Variants in KDM3B observed in about 807,000 individuals in gnomAD.
The protein encoded by KDM3B is lysine-specific demethylase 3B.
A neutral mutation model predicts 170.0 loss-of-function variants in KDM3B; 10 were observed. That is an observed-to-expected ratio of 0.06 (90% CI 0.04 to 0.10). The LOEUF is 0.10. Among genes scored for constraint, KDM3B ranks in the 10% least tolerant of loss-of-function variants. The pLI is 1.00. For synonymous variants in KDM3B, 831 were observed against 834.8 expected, an observed-to-expected ratio of 1.00 and a Z score of 0.08; for missense variants, 1,394 against 2,195.2, an observed-to-expected ratio of 0.64 and a Z score of 7.29.
rs1207006411 is a variant in KDM3B, at chr5:138,392,226, C to T, written c.2594C>T (p.Ala865Val). The T allele has an allele frequency of 4.0e-6, 6 of 1,503,092 alleles. No homozygotes were observed. In the Admixed American group the frequency reaches 9.0e-5, roughly 23 times the overall value. The allele number at this position is 1,503,092 out of a possible 1,614,324, so 93.1% of individuals were successfully genotyped here. ...CTGGGCAAAAGCAAAGGGAAGCAGG[C>T]CCCCAAGGGCCGGCCTCGGACTGCC... ...LLLGKSKGKQ[A>V]PKGRPRTAPL... Residue 865 changes from alanine (A) to valine (V), a missense_variant, in exon 8 of 24, where the codon GCC (alanine) becomes GTC (valine). Physicochemically the swap from Ala to Val is moderately conservative, Grantham distance 64 (BLOSUM62 0). Coordinates refer to ENST00000314358, the MANE Select transcript of KDM3B (RefSeq NM_016604.4).
At chr5:138,366,075 CA>C (rs1413610076) in intron 1 of KDM3B, among the ~76,000 whole-genome samples, 4 of 151,932 alleles carry the variant, frequency 2.6e-5, no homozygotes, top group Non-Finnish European at 5.9e-5. Context: ...TCTCTCATCC[CA>C]ACCCTCCTAC....
chr5:138,419,597 G>A (rs1219744418), intron 14 of KDM3B, among the ~76,000 whole-genome samples: 1 of 145,668 alleles, frequency 6.9e-6, no homozygotes, highest in African/African-American at 2.5e-5. Context: ...ACAGCCTGCA[G>A]TGAGCCAAGA....
At chr5:138,405,707 C>T (rs1475917516) in intron 11 of KDM3B, among the ~76,000 whole-genome samples, 2 of 152,148 alleles carry the variant, frequency 1.3e-5, no homozygotes, top group African/African-American at 4.8e-5. Context: ...TATAAAAGAT[C>T]TCTTTTTCTC....
In KDM3B at chr5:138,417,641, G is replaced by A. The variant is rs552640531; in HGVS notation, c.3435+31G>A. The A allele has an allele frequency of 1.3e-5, 21 of 1,601,558 alleles. 2 individuals are homozygous for A. In the South Asian group the frequency reaches 2.2e-4, roughly 17 times the overall value. ...CTGGTGTGTGTGGGTATAACTAAGT[G>A]AAGCCTAAATTTTTTTGTACCAGGA... On this transcript the variant is annotated intron_variant, in intron 13 of 23. Transcript: ENST00000314358.
intron 2 of KDM3B, among the ~76,000 whole-genome samples, chr5:138,373,973 T>C (rs1761935587): frequency 6.6e-6 from 1 of 152,160 alleles, no homozygotes; most frequent in South Asian, 2.1e-4. Flanking sequence ...AAACTGTCTT[T>C]TCTTTTTCTT....
At chr5:138,384,218 C>G (rs1762197390) in intron 6 of KDM3B, among the ~76,000 whole-genome samples, 1 of 150,814 alleles carries the variant, frequency 6.6e-6, no homozygotes, top group Non-Finnish European at 1.5e-5. Context: ...TGCACTCCAG[C>G]CTGGGTGACA....
intron 1 of KDM3B, among the ~76,000 whole-genome samples, chr5:138,359,832 TTTTTATCCC>T (rs948316777): frequency 6.6e-6 from 1 of 152,196 alleles, no homozygotes; most frequent in Non-Finnish European, 1.5e-5. Context: ...GCCCTATTTT[TTTTTATCCC>T]TTAATCTTTC....
rs1424062740 is a variant in KDM3B at position 138,425,591 on chromosome 5, C to G, written c.4411+9C>G. On this transcript the variant is annotated intron_variant, in intron 17 of 23. Coordinates refer to ENST00000314358, the MANE Select transcript of KDM3B (RefSeq NM_016604.4). ...TTTCGAGATCATATGCAGTAAGTAG[C>G]TTTCATATCTAGTTCAGTGATAGCA... The G allele has an allele frequency of 6.2e-7, 1 of 1,611,960 alleles. No individual in the cohort carries two copies.
chr5:138,416,381 G>A (rs1763103777), intron 12 of KDM3B, among the ~76,000 whole-genome samples: 1 of 152,000 alleles, frequency 6.6e-6, no homozygotes, highest in African/African-American at 2.4e-5. Flanking sequence ...CTTGAGGTCA[G>A]GAGTTCGAGA....
chr5:138,374,514 T>G (rs1036029065), intron 2 of KDM3B, among the ~76,000 whole-genome samples: 1 of 152,180 alleles, frequency 6.6e-6, no homozygotes, highest in African/African-American at 2.4e-5. Context: ...CGCCTCGGCC[T>G]CCCAAAGTGC....
chr5:138,419,668 A>AAAAAATAT (rs1408643891), intron 14 of KDM3B, among the ~76,000 whole-genome samples: 1 of 109,230 alleles, frequency 9.2e-6, no homozygotes, highest in Non-Finnish European at 1.8e-5. Flanking sequence ...AAAAAAAAAA[A>AAAAAATAT]ATATATATAT....
At chr5:138,362,678 T>C (rs1347041892) in intron 1 of KDM3B, among the ~76,000 whole-genome samples, 1 of 149,852 alleles carries the variant, frequency 6.7e-6, no homozygotes, top group Non-Finnish European at 1.5e-5. Context: ...GGTTTTGTTA[T>C]ATAATTATTT....
intron 16 of KDM3B, 71 bp from the exon 17 acceptor site, chr5:138,425,340 T>C: frequency 6.9e-7 from 1 of 1,457,574 alleles, no homozygotes; most frequent in Non-Finnish European, 9.4e-7. Context: ...GAAACCCTCC[T>C]ATTCTGTCTC....
At chr5:138,429,708 T>C in intron 20 of KDM3B, 118 bp from the exon 21 acceptor site, 2 of 1,122,074 alleles carry the variant, frequency 1.8e-6, no homozygotes, top group Non-Finnish European at 2.5e-6. Context: ...GATTCTGCCT[T>C]ACATTATTCC....
chr5:138,431,209 C>T (rs1364152446), intron 22 of KDM3B, among the ~76,000 whole-genome samples: 1 of 152,104 alleles, frequency 6.6e-6, no homozygotes, highest in Non-Finnish European at 1.5e-5. Flanking sequence ...CAACCTGCCT[C>T]GGCCTCCCAA....
chr5:138,404,520 G>A (rs1762767571), intron 11 of KDM3B, among the ~76,000 whole-genome samples: 1 of 151,864 alleles, frequency 6.6e-6, no homozygotes, highest in Non-Finnish European at 1.5e-5. Context: ...CCAGCTACTT[G>A]GGAGGCTGAG....
chr5:138,362,587 A>ACACAC (rs1561755732), intron 1 of KDM3B, among the ~76,000 whole-genome samples: 805 of 78,492 alleles, frequency 0.01, 6 homozygotes, highest in African/African-American at 0.019. Flanking sequence ...CACACACACA[A>ACACAC]AATATCTTAA....
At position 138,363,033 on chromosome 5, in the gene KDM3B, A is replaced by G. The variant is rs1761654458; in HGVS notation, c.193-9641A>G. Among the ~76,000 whole-genome samples the G allele has an allele frequency of 2.6e-5, 4 of 151,916 alleles. No individual in the cohort carries two copies. The South Asian group carries it at 8.3e-4, about 31-fold the overall frequency. ...TTTTCCTTGTTGTGATGCCCCTTAC[A>G]TGTAACAAATTTGTATTATTTTTCT... On this transcript the variant is annotated intron_variant, in intron 1 of 23. Coordinates refer to ENST00000314358, the MANE Select transcript of KDM3B (RefSeq NM_016604.4).
At position 138,375,004 on chromosome 5, in the gene KDM3B, T is replaced by A. The variant is rs1049744641; in HGVS notation, c.361-89T>A. 1.3e-4 allele frequency: 99 copies of A among 762,472 alleles called. 1 individual carries two copies. The highest frequency in any genetic ancestry group is 2.4e-5 in the Non-Finnish European group (10 of 421,554). 47.2% of individuals were successfully genotyped at this position (762,472 alleles called of 1,614,324 possible). A position where few individuals can be genotyped will look rare whatever the true frequency, so the allele number is the denominator to read the frequency against. On this transcript the variant is annotated intron_variant, in intron 2 of 23. Coordinates refer to ENST00000314358, the MANE Select transcript of KDM3B (RefSeq NM_016604.4). ...GTATTTACTGGGATGAAAGATATAA[T>A]AATTATTTCTTTGAAGTTAGAGATT...
Sources: gnomAD v4.1 joint callset for allele counts (sites outside exome capture counted in the v4.1 genomes callset) on GRCh38, gnomAD v4.1.1 for gene constraint, MANE v1.5 for transcripts, NCBI Gene and HGNC (gene_info 2026-07-23, HGNC 2026-07-21) for gene names.